ARHGAP24: variants seen among roughly 807,000 people sequenced by gnomAD.
ARHGAP24 encodes the protein rho GTPase-activating protein 24.
A neutral mutation model predicts 76.4 loss-of-function variants in ARHGAP24; 50 were observed. The observed-to-expected ratio is 0.65, with a 90% CI of 0.52 to 0.83. The LOEUF (loss-of-function observed/expected upper bound fraction) is 0.83. Among genes scored for constraint, ARHGAP24 ranks in the 40% least tolerant of loss-of-function variants. The pLI, the probability that ARHGAP24 is intolerant of heterozygous loss-of-function variation, is 0.00. For synonymous variants in ARHGAP24, 345 were observed against 323.3 expected, an observed-to-expected ratio of 1.07 and a Z score of -0.72; for missense variants, 930 against 914.2, an observed-to-expected ratio of 1.02 and a Z score of -0.22.
chr4:85,807,489 G>A (rs960149922), intron 3 of ARHGAP24, among the ~76,000 whole-genome samples: 9 of 152,136 alleles, frequency 5.9e-5, no homozygotes, highest in African/African-American at 1.9e-4. Flanking sequence ...TGAAATCCAA[G>A]TCACCAGGAT....
At chr4:85,603,282 T>G (rs1033192108) in intron 2 of ARHGAP24, among the ~76,000 whole-genome samples, 2 of 152,200 alleles carry the variant, frequency 1.3e-5, no homozygotes, top group Non-Finnish European at 2.9e-5. Context: ...ATGGAGGTGG[T>G]TGACCACCTT....
intron 1 of ARHGAP24, among the ~76,000 whole-genome samples, chr4:85,548,543 A>G (rs1361361227): frequency 6.6e-6 from 1 of 152,228 alleles, no homozygotes; most frequent in African/African-American, 2.4e-5. Flanking sequence ...CACATTTGTT[A>G]TATTCAATAT....
intron 1 of ARHGAP24, among the ~76,000 whole-genome samples, chr4:85,490,047 G>T (rs190631339): frequency 1.3e-5 from 2 of 152,142 alleles, no homozygotes; most frequent in South Asian, 4.1e-4. Flanking sequence ...AATGTGAAAT[G>T]CTAGAATAAT....
intron 3 of ARHGAP24, among the ~76,000 whole-genome samples, chr4:85,738,810 A>G (rs527594488): frequency 2.1e-4 from 32 of 152,214 alleles, no homozygotes; most frequent in African/African-American, 7.2e-4. Context: ...TGAACACAGT[A>G]TTTTTGTTCT....
intron 8 of ARHGAP24, among the ~76,000 whole-genome samples, chr4:85,988,061 G>T (rs557434999): frequency 8.6e-5 from 13 of 151,946 alleles, no homozygotes; most frequent in Admixed American, 6.6e-4. Flanking sequence ...AGATTTCTAT[G>T]TCCAGTGAAT....
Position 85,601,032 on chromosome 4 carries a change from A to G in ARHGAP24, c.180+30311A>G, listed in dbSNP as rs117818764. Among the ~76,000 whole-genome samples the G allele has an allele frequency of 3.6e-3, 547 of 152,318 alleles. 16 individuals are homozygous for G. In the East Asian group the frequency reaches 0.05, roughly 14 times the overall value. ...AGAATATACTCAGTTTTGTCAAAACATAGCAGTATTTTAATGACTTGTTAC... is the reference window on the plus strand; with the variant it reads ...AGAATATACTCAGTTTTGTCAAAACGTAGCAGTATTTTAATGACTTGTTAC... On this transcript the variant is annotated intron_variant, in intron 2 of 9. Coordinates refer to ENST00000395184, the MANE Select transcript of ARHGAP24 (RefSeq NM_001025616.3).
intron 3 of ARHGAP24, among the ~76,000 whole-genome samples, chr4:85,779,946 T>A (rs1355484032): frequency 6.6e-6 from 1 of 152,352 alleles, no homozygotes; most frequent in East Asian, 1.9e-4. Context: ...TTGAAAAGCT[T>A]TTCAAAGAAT....
chr4:85,533,404 T>G (rs1408743127), intron 1 of ARHGAP24, among the ~76,000 whole-genome samples: 2 of 152,192 alleles, frequency 1.3e-5, no homozygotes, highest in Admixed American at 6.5e-5. Flanking sequence ...GATCTTAAAC[T>G]TACATTATTC....
intron 3 of ARHGAP24, among the ~76,000 whole-genome samples, chr4:85,904,879 G>T (rs1211726410): frequency 6.6e-6 from 1 of 152,198 alleles, no homozygotes; most frequent in Admixed American, 6.5e-5. Context: ...AAATTTGCAA[G>T]TAAATGCTTT....
intron 3 of ARHGAP24, among the ~76,000 whole-genome samples, chr4:85,860,405 T>G (rs1044002170): frequency 1.3e-5 from 2 of 152,084 alleles, no homozygotes; most frequent in Admixed American, 1.3e-4. Context: ...CATCATATTT[T>G]TGTGACATCT....
intron 1 of ARHGAP24, among the ~76,000 whole-genome samples, chr4:85,569,256 A>G (rs1218588956): frequency 2.0e-5 from 3 of 152,236 alleles, no homozygotes; most frequent in South Asian, 2.1e-4. Context: ...CAGATAATAT[A>G]TGCCTGGACA....
At chr4:85,937,805 G>T (rs960056815) in intron 4 of ARHGAP24, among the ~76,000 whole-genome samples, 5 of 152,076 alleles carry the variant, frequency 3.3e-5, no homozygotes, top group Non-Finnish European at 5.9e-5. Flanking sequence ...GTTTTAACTG[G>T]GTCAAATATC....
chr4:85,660,817 A>AAAAAAAAAAAAAAC (rs1560573731), intron 2 of ARHGAP24, among the ~76,000 whole-genome samples: 4 of 149,838 alleles, frequency 2.7e-5, no homozygotes, highest in Non-Finnish European at 3.0e-5. Flanking sequence ...AAAAAAAAAA[A>AAAAAAAAAAAAAAC]TCTGTAGATG....
At chr4:85,508,579 T>A (rs1399387819) in intron 1 of ARHGAP24, among the ~76,000 whole-genome samples, 3 of 152,220 alleles carry the variant, frequency 2.0e-5, no homozygotes, top group Non-Finnish European at 4.4e-5. Context: ...GCACCCTGTC[T>A]CTAAGCTCTG....
At chr4:85,658,400 C>A (rs758424391) in intron 2 of ARHGAP24, among the ~76,000 whole-genome samples, 2 of 151,732 alleles carry the variant, frequency 1.3e-5, no homozygotes, top group Non-Finnish European at 1.5e-5. Context: ...TTTTTTTTAA[C>A]CTTTTGCTTA....
intron 1 of ARHGAP24, among the ~76,000 whole-genome samples, chr4:85,533,509 C>T (rs930624211): frequency 2.0e-5 from 3 of 152,108 alleles, no homozygotes; most frequent in Non-Finnish European, 4.4e-5. Flanking sequence ...TATGAATTCT[C>T]TCATATTCCA....
intron 1 of ARHGAP24, among the ~76,000 whole-genome samples, chr4:85,492,265 A>G (rs1723388152): frequency 6.6e-6 from 1 of 151,842 alleles, no homozygotes; most frequent in African/African-American, 2.4e-5. Context: ...TTTCTTCTTC[A>G]GTTACACATT....
At chr4:85,965,375 G>T (rs556609759) in intron 5 of ARHGAP24, among the ~76,000 whole-genome samples, 1 of 152,070 alleles carries the variant, frequency 6.6e-6, no homozygotes, top group African/African-American at 2.4e-5. Context: ...CCCACAACAC[G>T]TGGGAATTAT....
At chr4:85,944,950 C>T (rs1447545612) in intron 5 of ARHGAP24, among the ~76,000 whole-genome samples, 2 of 152,096 alleles carry the variant, frequency 1.3e-5, no homozygotes, top group East Asian at 3.9e-4. Context: ...TGGGTTCAAG[C>T]GATTCTCCTG....
Sources: gnomAD v4.1 joint callset for allele counts (sites outside exome capture counted in the v4.1 genomes callset) on GRCh38, gnomAD v4.1.1 for gene constraint, MANE v1.5 for transcripts, NCBI Gene and HGNC (gene_info 2026-07-23, HGNC 2026-07-21) for gene names.